The following DHX38 variants were observed in gnomAD, a reference collection of about 807,000 sequenced individuals.
The protein encoded by DHX38 is DEAH-box helicase 38, also known as pre-mRNA-splicing factor ATP-dependent RNA helicase PRP16.
A neutral mutation model predicts 153.1 loss-of-function variants in DHX38; 100 were observed. The observed-to-expected ratio is 0.65, with a 90% CI of 0.56 to 0.77. The LOEUF (loss-of-function observed/expected upper bound fraction) is 0.77, where lower values mean the gene tolerates loss of function less well. DHX38 is among the 30% of genes least tolerant of loss of function. DHX38 has a pLI of 0.00. For synonymous variants in DHX38, 650 were observed against 631.7 expected, an observed-to-expected ratio of 1.03 and a Z score of -0.43; for missense variants, 1,440 against 1,654.0, an observed-to-expected ratio of 0.87 and a Z score of 2.24.
At chr16:72,099,087 GC>G (rs2144138801) in intron 6 of DHX38, 42 bp downstream of exon 6, 1 of 1,609,638 alleles carries the variant, frequency 6.2e-7, no homozygotes, top group African/African-American at 1.3e-5. Context: ...AGGCTTGCTT[GC>G]CCTAGCGAGG....
In DHX38 at chr16:72,104,515, C is replaced by G. The variant is rs747414238; in HGVS notation, c.2040C>G (p.Leu680=). 4.3e-6 allele frequency: 7 copies of G among 1,614,078 alleles called. No individual in the cohort carries two copies. In the South Asian group the frequency reaches 6.6e-5, roughly 15 times the overall value. Residue 680 remains leucine (L), a synonymous_variant, in exon 15 of 27, where the codon CTC becomes CTG. Transcript: ENST00000268482. The surrounding 1 kb of genome is among the most constrained non-coding windows in gnomAD (Gnocchi z 4.5). ...TGGCTCGGCGCTCAGACCTGAAGCT[C>G]ATCGTCACATCAGCCACGATGGATG... The part of the protein sequence containing the change: ...EVVARRSDLK[L]IVTSATMDAE...
chr16:72,106,279 G>C (rs1396023668), intron 19 of DHX38, among the ~76,000 whole-genome samples, 162 bp downstream of exon 19: 1 of 152,230 alleles, frequency 6.6e-6, no homozygotes, highest in Non-Finnish European at 1.5e-5. Flanking sequence ...ATGCTACTGA[G>C]TGGAAGGAAG....
Position 72,096,921 on chromosome 16 carries a change from A to T in DHX38, c.423A>T (p.Glu141Asp), listed in dbSNP as rs145090795. The T allele has an allele frequency of 1.8e-4, 293 of 1,614,034 alleles. 2 individuals are homozygous for T. The East Asian group carries it at 6.4e-3, about 35-fold the overall frequency. Residue 141 changes from glutamate to aspartate, a missense_variant, in exon 3 of 27, where the codon GAA becomes GAT. By Grantham distance (45) the Glu-to-Asp change is conservative. Around this residue, in one of 6 missense-constraint regions of DHX38, gnomAD observed 483 missense variants for 465.1 expected, o/e 1.04. Transcript: ENST00000268482. ...GGCAGAGAGAGCGGGAGCGGCGGGA[A>T]CATGGTGTCTATGCCTCGTCCAAAG... ...RSRQRERERREHGVYASSKEE... is the reference protein window; with the variant it reads ...RSRQRERERRDHGVYASSKEE...
At chr16:72,111,148 A>AT in intron 26 of DHX38, 71 bp downstream of exon 26, 4 of 1,474,870 alleles carry the variant, frequency 2.7e-6, no homozygotes, top group Non-Finnish European at 3.6e-6. Context: ...CCAGGCCCTG[A>AT]TGCAGGGTCA....
chr16:72,104,404 C>T lies in DHX38; in HGVS notation c.2011-82C>T, dbSNP rs1010199555. 5 of 1,569,036 alleles carry T rather than the reference C, an allele frequency of 3.2e-6. No individual in the cohort carries two copies. The African/African-American group carries it at 4.1e-5, about 13-fold the overall frequency. On this transcript the variant is annotated intron_variant, in intron 14 of 26. Transcript: ENST00000268482. This position sits in a 1 kb window ranked among gnomAD's most constrained non-coding sequence, Gnocchi z 4.5. Reference sequence around the variant, plus strand: ...ATTTGTCAGCTTTGGCTTGTGTTTCCTCGGGGGTGGTGCTGATGGGACTGG... The same window carrying T: ...ATTTGTCAGCTTTGGCTTGTGTTTCTTCGGGGGTGGTGCTGATGGGACTGG...
Position 72,096,892 on chromosome 16 carries a change from A to G in DHX38, c.394A>G (p.Ser132Gly). ...TGTGAGCGAAGAGTTTTGGGAACGC[A>G]GTCGGCAGAGAGAGCGGGAGCGGCG... ...GGVSEEFWER[S>G]RQRERERREH... The change falls in exon 3 of 27, where the codon AGT becomes GGT. Residue 132 changes from serine to glycine, a missense_variant. Ser to Gly is a moderately conservative substitution (Grantham distance 56, BLOSUM62 0). Around this residue, in one of 6 missense-constraint regions of DHX38, gnomAD observed 483 missense variants for 465.1 expected, o/e 1.04. Coordinates refer to ENST00000268482, the MANE Select transcript of DHX38 (RefSeq NM_014003.4). The G allele has an allele frequency of 1.2e-6, 2 of 1,614,104 alleles. No individual in the cohort carries two copies. The highest frequency in any genetic ancestry group is 8.5e-7 in the Non-Finnish European group (1 of 1,179,968).
At chr16:72,112,370 G>T (rs572147228) in intron 26 of DHX38, 43 bp from the exon 27 acceptor site, 27 of 1,581,950 alleles carry the variant, frequency 1.7e-5, no homozygotes, top group Middle Eastern at 3.3e-4. Flanking sequence ...CTGGCTGTGG[G>T]TGAGGGCACG....
chr16:72,112,177 G>A, intron 26 of DHX38: 1 of 576,436 alleles, frequency 1.7e-6, no homozygotes, highest in South Asian at 2.1e-5. Context: ...GGGACTGTGG[G>A]AGGAGTTGTT....
intron 24 of DHX38, 146 bp downstream of exon 24, chr16:72,109,071 C>A: frequency 7.8e-7 from 1 of 1,276,712 alleles, no homozygotes; most frequent in Non-Finnish European, 1.1e-6. Context: ...GGTTGGTTTT[C>A]ATTTGGGGAC....
chr16:72,106,241 G>C (rs887111560), intron 19 of DHX38, 124 bp downstream of exon 19: 1 of 829,696 alleles, frequency 1.2e-6, no homozygotes, highest in Admixed American at 2.4e-5. Flanking sequence ...CTGCTGGCAG[G>C]GCTGCCACTT....
intron 4 of DHX38, 106 bp downstream of exon 4, chr16:72,097,887 G>A: frequency 2.8e-6 from 3 of 1,081,026 alleles, no homozygotes; most frequent in East Asian, 5.2e-5. Context: ...CAGAATTCCC[G>A]ATTCTACCAT....
rs934503713 is a variant in DHX38, at chr16:72,104,781, C to G, written c.2151+155C>G. ...TGGGGCAGCCTGCAGCTCTGGGACT[C>G]GGGGACAAAGGACTCTGCTCTGGGT... On this transcript the variant is annotated intron_variant, in intron 15 of 26. Coordinates refer to ENST00000268482, the MANE Select transcript of DHX38 (RefSeq NM_014003.4). This position sits in a 1 kb window ranked among gnomAD's most constrained non-coding sequence, Gnocchi z 4.5. 1.3e-5 allele frequency among the ~76,000 whole-genome samples: 2 copies of G among 152,118 alleles called. No homozygotes were observed. Among genetic ancestry groups the G allele is most frequent in the East Asian group, 3.9e-4 (2 of 5,182 alleles).
At chr16:72,099,322 C>T in intron 7 of DHX38, 42 bp downstream of exon 7, 4 of 1,527,594 alleles carry the variant, frequency 2.6e-6, no homozygotes, top group Admixed American at 1.9e-5. Flanking sequence ...GGGCTGGTGG[C>T]CGTCTGTAGA....
In DHX38 at chr16:72,101,503, C is replaced by T; in HGVS notation, c.1390C>T (p.Gln464Ter). Reference protein sequence around the residue: ...HREQKERKKAQHKHWELAGTK... With the variant: ...HREQKERKKA Reference sequence around the variant, plus strand: ...GACTGACCTTTTTCCTTTTCAGGCTCAGCACAAACACTGGGAACTGGCGGG... The same window carrying T: ...GACTGACCTTTTTCCTTTTCAGGCTTAGCACAAACACTGGGAACTGGCGGG... Residue 464 changes from glutamine to a stop codon, truncating the protein, a stop_gained, in exon 11 of 27, where the codon CAG becomes TAG. Coordinates refer to ENST00000268482, the MANE Select transcript of DHX38 (RefSeq NM_014003.4). LOFTEE classifies it high-confidence loss of function. 6.4e-7 allele frequency: 1 copy of T among 1,551,736 alleles called. No individual in the cohort carries two copies. Among genetic ancestry groups the T allele is most frequent in the Non-Finnish European group, 8.7e-7 (1 of 1,147,040 alleles).
chr16:72,096,659 G>C (rs1319899664), intron 2 of DHX38, among the ~76,000 whole-genome samples, 163 bp from the exon 3 acceptor site: 1 of 152,230 alleles, frequency 6.6e-6, no homozygotes, highest in Non-Finnish European at 1.5e-5. Flanking sequence ...ATAAAGACGA[G>C]ATGGTAGAGG....
At chr16:72,100,704 G>A in intron 9 of DHX38, 107 bp downstream of exon 9, 1 of 1,467,842 alleles carries the variant, frequency 6.8e-7, no homozygotes, top group Non-Finnish European at 9.2e-7. Context: ...GCTGAGGAGG[G>A]TGGATCATTG....
rs775810927 is a variant in DHX38, at chr16:72,096,835, G to T, written c.337G>T (p.Ala113Ser). 2.5e-6 allele frequency: 4 copies of T among 1,613,254 alleles called. No individual in the cohort carries two copies. The highest frequency in any genetic ancestry group is 3.4e-6 in the Non-Finnish European group (4 of 1,179,704). ...TCCCTGTTTCAGACATTATCGGTCT[G>T]CTCGGGTAGAGACTCCATCCCATCC... ...NIRKDRHYRSARVETPSHPGG... is the reference protein window; with the variant it reads ...NIRKDRHYRSSRVETPSHPGG... The change falls in exon 3 of 27, where the codon GCT becomes TCT. Residue 113 changes from alanine (A) to serine (S), a missense_variant. Ala to Ser is a moderately conservative substitution (Grantham distance 99). Transcript: ENST00000268482.
Position 72,096,369 on chromosome 16 carries a change from A to C in DHX38, c.212A>C (p.Lys71Thr). The change falls in exon 2 of 27, where the codon AAG becomes ACG. Residue 71 changes from lysine to threonine, a missense_variant. Transcript: ENST00000268482. ...EREEKDDGED[K>T]KKSKVSSYKD... Reference sequence around the variant, plus strand: ...GAGGAGAAGGACGATGGGGAGGACAAGAAGAAGTCCAAAGTCTCCTCCTAC... The same window carrying C: ...GAGGAGAAGGACGATGGGGAGGACACGAAGAAGTCCAAAGTCTCCTCCTAC... 1.2e-6 allele frequency: 2 copies of C among 1,614,196 alleles called. 1 individual carries two copies.
chr16:72,099,354 TG>T, intron 7 of DHX38, 74 bp downstream of exon 7: 3 of 1,346,250 alleles, frequency 2.2e-6, no homozygotes, highest in African/African-American at 2.9e-5. Flanking sequence ...CTAGCAGGAC[TG>T]GGCTTTGATG....
Sources: allele counts gnomAD v4.1 joint callset (sites outside exome capture counted in the v4.1 genomes callset), GRCh38; gene constraint gnomAD v4.1.1; regional missense constraint gnomAD v4.1.1; non-coding constraint Gnocchi (gnomAD v3.1); transcripts MANE v1.5; gene names NCBI Gene and HGNC (gene_info 2026-07-23, HGNC 2026-07-21).